WDR27: variants seen among roughly 807,000 people sequenced by gnomAD.
The protein encoded by WDR27 is WD repeat domain 27, also known as WD repeat-containing protein 27.
WDR27 carries 100 observed loss-of-function variants against 114.4 expected under a neutral mutation model. The observed-to-expected ratio is 0.87, with a 90% confidence interval of 0.74 to 1.03. The LOEUF is 1.03. WDR27 is among the 50% of genes least tolerant of loss of function. The pLI, the probability that WDR27 is intolerant of heterozygous loss-of-function variation, is 0.00. For synonymous variants in WDR27, 449 were observed against 423.1 expected (o/e 1.06, Z -0.75); for missense variants, 1,129 against 1,092.9 (o/e 1.03, Z -0.47).
the WDR27 span, among the ~76,000 whole-genome samples, chr6:169,449,811 T>C: frequency 1.3e-5 from 2 of 152,168 alleles, no homozygotes; most frequent in East Asian, 3.9e-4. Context: ...CCAAAGCGTA[T>C]GTCCATAACC....
At position 169,684,822 on chromosome 6, in the gene WDR27, C is replaced by G. The variant is rs1443286586; in HGVS notation, c.189+3995G>C. 1.3e-5 allele frequency among the ~76,000 whole-genome samples: 2 copies of G among 152,184 alleles called. No homozygotes were observed. The highest frequency in any genetic ancestry group is 2.9e-5 in the Non-Finnish European group (2 of 68,030). ...AATGCTGGAGAAACAGCCCCAGGAG[C>G]TGCCCCAGCAGATATGTCCCCACGC... On this transcript the variant is annotated intron_variant, in intron 2 of 25. Transcript: ENST00000448612. This position sits in a 1 kb window ranked among gnomAD's most constrained non-coding sequence, Gnocchi z 4.3.
rs558976826 is a variant in WDR27 at position 169,627,629 on chromosome 6, T to C, written c.2223+5318A>G. Among the ~76,000 whole-genome samples, 7 of 152,324 alleles carry C rather than the reference T, an allele frequency of 4.6e-5. No homozygotes were observed. In the South Asian group the frequency reaches 1.2e-3, roughly 27 times the overall value. On this transcript the variant is annotated intron_variant, in intron 21 of 25. Coordinates refer to ENST00000448612, the MANE Select transcript of WDR27 (RefSeq NM_182552.5). ...TCTCCATCCTCCTCCCTTGGTGCTG[T>C]GCACGGGGAGCCTCCACATTGCTCA... is the stretch of plus-strand genomic sequence containing the variant.
At chr6:169,555,634 C>T (rs1419541624) in intron 25 of WDR27, among the ~76,000 whole-genome samples, 1 of 152,090 alleles carries the variant, frequency 6.6e-6, no homozygotes, top group Non-Finnish European at 1.5e-5. Flanking sequence ...GAGTAATTTT[C>T]CAGAATAATA....
At chr6:169,664,664 C>G in intron 7 of WDR27, 1 of 1,041,472 alleles carries the variant, frequency 9.6e-7, no homozygotes, top group Non-Finnish European at 1.2e-6. Context: ...CAGCGGTCAA[C>G]TTTGTCAAAA....
chr6:169,540,431 C>T (rs1002161303), intron 25 of WDR27, among the ~76,000 whole-genome samples: 3 of 144,804 alleles, frequency 2.1e-5, no homozygotes, highest in Non-Finnish European at 3.1e-5. Flanking sequence ...TGAATAGAAT[C>T]TTTTTTTTTT....
chr6:169,487,689 A>G (rs987366199), intron 25 of WDR27, among the ~76,000 whole-genome samples: 1 of 152,212 alleles, frequency 6.6e-6, no homozygotes, highest in Admixed American at 6.5e-5. Flanking sequence ...ATGGCACTGT[A>G]GTCATCTACA....
chr6:169,547,769 G>T (rs150790882), intron 25 of WDR27, among the ~76,000 whole-genome samples: 1 of 152,166 alleles, frequency 6.6e-6, no homozygotes, highest in East Asian at 1.9e-4. Context: ...CCCTTTCACT[G>T]CTGCTTTTCA....
At chr6:169,694,435 T>C (rs1482377651) in intron 1 of WDR27, among the ~76,000 whole-genome samples, 3 of 152,242 alleles carry the variant, frequency 2.0e-5, no homozygotes, top group Admixed American at 2.0e-4. Flanking sequence ...TCTACTTTTA[T>C]AAATTTATAA....
chr6:169,647,859 GGGTATGCCTCCCTGAGGGAAGGCCA>G lies in WDR27; in HGVS notation c.1560-14_1570del. 1 of 1,562,600 alleles carries G rather than the reference GGGTATGCCTCCCTGAGGGAAGGCCA, an allele frequency of 6.4e-7. No homozygotes were observed. Among genetic ancestry groups the G allele is most frequent in the Non-Finnish European group, 8.6e-7 (1 of 1,156,118 alleles). ...CTTGGTGGGCACAGCGCACTCCACG[GGGTATGCCTCCCTGAGGGAAGGCCA>G]CAGGTAACGGTGATCGGGAGACATT... On this transcript the variant is annotated splice_acceptor_variant and splice_polypyrimidine_tract_variant and coding_sequence_variant and intron_variant, in exon 16 of 26. Coordinates refer to ENST00000448612, the MANE Select transcript of WDR27 (RefSeq NM_182552.5). LOFTEE classifies it high-confidence loss of function.
chr6:169,538,524 C>T (rs962985253), intron 25 of WDR27, among the ~76,000 whole-genome samples: 1 of 152,136 alleles, frequency 6.6e-6, no homozygotes, highest in Non-Finnish European at 1.5e-5. Flanking sequence ...TTAAGTCACT[C>T]CTGAAACCAG....
the WDR27 span, among the ~76,000 whole-genome samples, chr6:169,446,183 G>C: frequency 6.6e-6 from 1 of 152,238 alleles, no homozygotes; most frequent in South Asian, 2.1e-4. Flanking sequence ...CTGCCGTGCA[G>C]CACGAGCTGG....
intron 22 of WDR27, among the ~76,000 whole-genome samples, chr6:169,610,725 A>G (rs73239077): frequency 0.13 from 19,178 of 152,210 alleles, 1,600 homozygotes; most frequent in South Asian, 0.29. Flanking sequence ...AAAAAAGAAC[A>G]AAAGAATGTC....
chr6:169,540,944 A>AG (rs1469102967), intron 25 of WDR27, among the ~76,000 whole-genome samples: 1 of 152,142 alleles, frequency 6.6e-6, no homozygotes, highest in East Asian at 1.9e-4. Flanking sequence ...TAAACTCTCC[A>AG]GGGGGAGTGC....
rs762527235 is a variant in WDR27 at position 169,638,606 on chromosome 6, A to G, written c.1802T>C (p.Leu601Pro). The part of the protein sequence containing the change: ...VCWSQDRRWL[L>P]SAARDGTLRM... ...CAGGGTCCCGTCCCGGGCCGCAGAG[A>G]GCAGCCACCTCCGGTCCTGGCTCCA... The change falls in exon 18 of 26, where the codon CTC becomes CCC. Residue 601 changes from leucine to proline, a missense_variant. Coordinates refer to ENST00000448612, the MANE Select transcript of WDR27 (RefSeq NM_182552.5). 1.9e-6 allele frequency: 3 copies of G among 1,608,740 alleles called. No individual in the cohort carries two copies. Among genetic ancestry groups the G allele is most frequent in the Admixed American group, 3.4e-5 (2 of 59,392 alleles).
intron 25 of WDR27, among the ~76,000 whole-genome samples, chr6:169,479,713 C>T (rs1044929198): frequency 6.6e-6 from 1 of 152,188 alleles, no homozygotes; most frequent in African/African-American, 2.4e-5. Flanking sequence ...GAAGTCATTT[C>T]TTTTAACTTT....
the WDR27 span, among the ~76,000 whole-genome samples, chr6:169,438,741 T>C: frequency 4.6e-5 from 7 of 152,184 alleles, no homozygotes; most frequent in African/African-American, 9.7e-5. Flanking sequence ...AGTCATACTG[T>C]AGGAGGCTTT....
the WDR27 span, among the ~76,000 whole-genome samples, chr6:169,440,415 G>A: frequency 6.6e-6 from 1 of 151,952 alleles, no homozygotes; most frequent in East Asian, 1.9e-4. Flanking sequence ...TAAATTTCAG[G>A]GGACAAGCCT....
chr6:169,509,668 A>G (rs1459487121), intron 25 of WDR27, among the ~76,000 whole-genome samples: 3 of 152,040 alleles, frequency 2.0e-5, no homozygotes, highest in Non-Finnish European at 2.9e-5. Context: ...ACCTAAAACC[A>G]TAAAAACCCT....
chr6:169,692,577 C>G (rs1381071618), intron 1 of WDR27, among the ~76,000 whole-genome samples: 1 of 152,320 alleles, frequency 6.6e-6, no homozygotes, highest in East Asian at 1.9e-4. Flanking sequence ...GCATCTAAAC[C>G]TGGTGCTGTT....
Sources: allele counts gnomAD v4.1 joint callset (sites outside exome capture counted in the v4.1 genomes callset), GRCh38; gene constraint gnomAD v4.1.1; non-coding constraint Gnocchi (gnomAD v3.1); transcripts MANE v1.5; gene names NCBI Gene and HGNC (gene_info 2026-07-23, HGNC 2026-07-21).